POLA1: variants seen among roughly 807,000 people sequenced by gnomAD.
POLA1 encodes the protein DNA polymerase alpha catalytic subunit.
POLA1 carries 15 observed loss-of-function variants against 124.0 expected under a neutral mutation model. The observed-to-expected ratio is 0.12, with a 90% CI of 0.08 to 0.19. The LOEUF is 0.19. Among genes scored for constraint, POLA1 ranks in the 10% least tolerant of loss-of-function variants. The pLI is 1.00. For synonymous variants in POLA1, 408 were observed against 389.4 expected (o/e 1.05, Z -0.56); for missense variants, 886 against 1,103.4 (o/e 0.80, Z 2.79).
chrX:24,746,380 G>A (rs923857877), intron 24 of POLA1, among the ~76,000 whole-genome samples: 1 of 111,910 alleles, frequency 8.9e-6, no homozygotes, highest in Non-Finnish European at 1.9e-5. Flanking sequence ...TTCTGCTACT[G>A]TGCCAGCATG....
intron 26 of POLA1, among the ~76,000 whole-genome samples, chrX:24,756,069 G>C (rs1384805251): frequency 9.0e-6 from 1 of 111,692 alleles, no homozygotes; most frequent in Non-Finnish European, 1.9e-5. Flanking sequence ...AGTTGCCAGA[G>C]ATACTGAGTG....
At chrX:24,909,403 C>A (rs1300217563) in intron 35 of POLA1, among the ~76,000 whole-genome samples, 2 of 111,797 alleles carry the variant, frequency 1.8e-5, no homozygotes, top group East Asian at 2.8e-4. Context: ...ATCTTGAATT[C>A]ATTTTTGTAT....
chrX:24,948,189 C>G (rs905635452), intron 36 of POLA1, among the ~76,000 whole-genome samples: 2 of 111,790 alleles, frequency 1.8e-5, no homozygotes, highest in African/African-American at 6.5e-5. Flanking sequence ...TGTTTCAATT[C>G]TTCCGACTGA....
intron 35 of POLA1, among the ~76,000 whole-genome samples, chrX:24,893,732 C>A (rs1361225039): frequency 8.9e-6 from 1 of 112,438 alleles, no homozygotes; most frequent in Non-Finnish European, 1.9e-5. Flanking sequence ...GTACTTCATT[C>A]TTTTTTATGG....
At chrX:24,878,565 C>T (rs1227902333) in intron 34 of POLA1, among the ~76,000 whole-genome samples, 3 of 110,751 alleles carry the variant, frequency 2.7e-5, no homozygotes, top group African/African-American at 9.8e-5. Context: ...GATCCACCAT[C>T]ATAAAGAAAG....
chrX:24,722,477 A>G (rs1265729185), intron 10 of POLA1, among the ~76,000 whole-genome samples: 1 of 112,468 alleles, frequency 8.9e-6, no homozygotes, highest in Non-Finnish European at 1.9e-5. Flanking sequence ...AGAAGATAAT[A>G]GTAGTCCCTA....
At chrX:24,704,555 A>G in intron 4 of POLA1, 86 bp downstream of exon 4, 1 of 603,739 alleles carries the variant, frequency 1.7e-6, no homozygotes, top group South Asian at 2.8e-5. Context: ...CTGATAGTTT[A>G]CCTTTGAGAG....
intron 35 of POLA1, among the ~76,000 whole-genome samples, chrX:24,894,933 C>G (rs1412994520): frequency 9.1e-6 from 1 of 110,040 alleles, no homozygotes; most frequent in Non-Finnish European, 1.9e-5. Flanking sequence ...GCCACCATAC[C>G]TGGCTAATTT....
At chrX:24,938,710 T>C (rs2047881020) in intron 36 of POLA1, among the ~76,000 whole-genome samples, 1 of 112,787 alleles carries the variant, frequency 8.9e-6, no homozygotes, top group African/African-American at 3.2e-5. Context: ...GTTGGTATTG[T>C]CTGATGGCAG....
chrX:24,827,677 C>T (rs2046194383), intron 32 of POLA1, among the ~76,000 whole-genome samples: 1 of 111,765 alleles, frequency 8.9e-6, no homozygotes, highest in Non-Finnish European at 1.9e-5. Context: ...TATTCACAAG[C>T]TTCTGAACCT....
intron 30 of POLA1, among the ~76,000 whole-genome samples, chrX:24,816,244 A>G (rs956363772): frequency 3.7e-4 from 42 of 112,577 alleles, no homozygotes; most frequent in African/African-American, 1.3e-3. Flanking sequence ...ATAGCAAAAT[A>G]TGCCAGTTTC....
chrX:24,856,204 C>G (rs976336843), intron 34 of POLA1, among the ~76,000 whole-genome samples: 2 of 111,965 alleles, frequency 1.8e-5, no homozygotes, highest in African/African-American at 6.5e-5. Flanking sequence ...TTTATAAGCA[C>G]ACCCTCCTTC....
intron 36 of POLA1, among the ~76,000 whole-genome samples, chrX:24,977,667 T>G (rs914956044): frequency 2.7e-5 from 3 of 112,530 alleles, no homozygotes; most frequent in Admixed American, 1.9e-4. Flanking sequence ...TTTTAATTTC[T>G]AAGAACTAGA....
chrX:24,940,909 A>G (rs1212253693), intron 36 of POLA1, among the ~76,000 whole-genome samples: 18 of 112,054 alleles, frequency 1.6e-4, no homozygotes, highest in Non-Finnish European at 3.4e-4. Flanking sequence ...TATAGGATTT[A>G]TATTTATCCA....
Position 24,753,562 on chromosome X carries a change from C to T in POLA1, c.2964+4570C>T, listed in dbSNP as rs763323364. On this transcript the variant is annotated intron_variant, in intron 26 of 36. Coordinates refer to ENST00000379068, the MANE Select transcript of POLA1 (RefSeq NM_001330360.2). ...TAGAGATGGAGTCTTGGTGTATTGCCCAGGCTGGTCTCCAACTCCTAGCCT... is the reference window on the plus strand; with the variant it reads ...TAGAGATGGAGTCTTGGTGTATTGCTCAGGCTGGTCTCCAACTCCTAGCCT... 1.5e-4 allele frequency among the ~76,000 whole-genome samples: 17 copies of T among 110,289 alleles called. No individual in the cohort carries two copies. The East Asian group carries it at 4.6e-3, about 30-fold the overall frequency.
At chrX:24,745,813 A>G (rs1931967775) in intron 24 of POLA1, among the ~76,000 whole-genome samples, 1 of 111,505 alleles carries the variant, frequency 9.0e-6, no homozygotes, top group South Asian at 3.8e-4. Flanking sequence ...CTAGGCAACT[A>G]CTAATCTTTT....
rs1164704998 is a variant in POLA1 at position 24,730,391 on chromosome X, G to C, written c.1687-1979G>C. On this transcript the variant is annotated intron_variant, in intron 15 of 36. Coordinates refer to ENST00000379068, the MANE Select transcript of POLA1 (RefSeq NM_001330360.2). ...CCTGAGTAACTGGAATTACAGGTGT[G>C]CGTCACCACATGCCCAGCTAATTTT... Among the ~76,000 whole-genome samples, 5 of 110,995 alleles carry C rather than the reference G, an allele frequency of 4.5e-5. No homozygotes were observed. The South Asian group carries it at 1.9e-3, about 43-fold the overall frequency.
At chrX:24,715,419 C>G (rs1417734516) in intron 6 of POLA1, among the ~76,000 whole-genome samples, 3 of 110,789 alleles carry the variant, frequency 2.7e-5, no homozygotes, top group Non-Finnish European at 3.8e-5. Flanking sequence ...CTCAGCCTCC[C>G]GAGTAGCTAG....
chrX:24,747,846 T>C lies in POLA1; in HGVS notation c.2692-465T>C, dbSNP rs763110985. Among the ~76,000 whole-genome samples, 15 of 109,050 alleles carry C rather than the reference T, an allele frequency of 1.4e-4. No homozygotes were observed. In the South Asian group the frequency reaches 6.2e-3, roughly 45 times the overall value. 94.7% of individuals were successfully genotyped at this position (109,050 alleles called of 115,157 possible). On this transcript the variant is annotated intron_variant, in intron 24 of 36. Transcript: ENST00000379068. ...GCCTCCCGGGTTCACGCCATTCTCC[T>C]GCCTCAGCCTCCCAAGTAGCTGGGA...
Sources: allele counts gnomAD v4.1 joint callset (sites outside exome capture counted in the v4.1 genomes callset), GRCh38; gene constraint gnomAD v4.1.1; transcripts MANE v1.5; gene names NCBI Gene and HGNC (gene_info 2026-07-23, HGNC 2026-07-21).